The following DIP2B variants were observed in gnomAD, a reference collection of about 807,000 sequenced individuals.
DIP2B encodes the protein disco-interacting protein 2 homolog B.
DIP2B carries 76 observed loss-of-function variants against 198.0 expected under a neutral mutation model. The observed-to-expected ratio is 0.38, with a 90% CI of 0.32 to 0.46. DIP2B has a LOEUF of 0.46. Ranked by LOEUF, DIP2B falls within the 20% of genes least tolerant of loss-of-function variation. DIP2B has a pLI of 0.99. For synonymous variants in DIP2B, 701 were observed against 739.1 expected (o/e 0.95, Z 0.84); for missense variants, 1,559 against 1,978.4 (o/e 0.79, Z 4.02).
chr12:50,596,822 A>G (rs1407352258), intron 1 of DIP2B, among the ~76,000 whole-genome samples: 1 of 152,202 alleles, frequency 6.6e-6, no homozygotes, highest in Non-Finnish European at 1.5e-5. Flanking sequence ...TATTTAGATA[A>G]ATCTTATTTA....
intron 1 of DIP2B, among the ~76,000 whole-genome samples, chr12:50,573,967 T>C (rs1197306113): frequency 1.3e-5 from 2 of 152,242 alleles, no homozygotes; most frequent in Non-Finnish European, 2.9e-5. Context: ...TTTGATGATA[T>C]TAAGGGTTCT....
At position 50,517,209 on chromosome 12, in the gene DIP2B, G is replaced by A. The variant is rs937858575; in HGVS notation, c.100+11969G>A. On this transcript the variant is annotated intron_variant, in intron 1 of 37. Transcript: ENST00000301180. ...GCTGGGATTACAGGCGTGAGCCACC[G>A]CACCCGACCAAAAAATTTGTTTTAA... Among the ~76,000 whole-genome samples, 7 of 151,614 alleles carry A rather than the reference G, an allele frequency of 4.6e-5. No homozygotes were observed. The East Asian group carries it at 5.9e-4, about 13-fold the overall frequency.
At chr12:50,559,270 A>T (rs564425283) in intron 1 of DIP2B, among the ~76,000 whole-genome samples, 26 of 148,536 alleles carry the variant, frequency 1.8e-4, no homozygotes, top group African/African-American at 6.2e-4. Context: ...GTAATTTAGT[A>T]GTTAATCTTC....
chr12:50,646,776 C>G (rs1208104056), intron 3 of DIP2B, among the ~76,000 whole-genome samples: 1 of 152,004 alleles, frequency 6.6e-6, no homozygotes, highest in African/African-American at 2.4e-5. Context: ...TGATTTAATG[C>G]TGGGAGCTAA....
intron 1 of DIP2B, among the ~76,000 whole-genome samples, chr12:50,565,760 A>G (rs1320958877): frequency 3.3e-5 from 5 of 152,202 alleles, no homozygotes; most frequent in African/African-American, 4.8e-5. Context: ...TGTAGTCCCA[A>G]TTAAATTTCA....
intron 1 of DIP2B, among the ~76,000 whole-genome samples, chr12:50,620,744 T>C (rs940676439): frequency 6.6e-6 from 1 of 152,218 alleles, no homozygotes; most frequent in African/African-American, 2.4e-5. Flanking sequence ...TGGCAAAAAG[T>C]CTGTTCTGAG....
intron 25 of DIP2B, among the ~76,000 whole-genome samples, chr12:50,721,048 G>A (rs1167912509): frequency 2.0e-5 from 3 of 152,028 alleles, no homozygotes; most frequent in South Asian, 2.1e-4. Context: ...GGCTCAAGCA[G>A]TGCTCCCACC....
At chr12:50,564,398 AT>A (rs1426874568) in intron 1 of DIP2B, among the ~76,000 whole-genome samples, 2 of 152,138 alleles carry the variant, frequency 1.3e-5, no homozygotes, top group African/African-American at 4.8e-5. Flanking sequence ...GCTGTACTTA[AT>A]TTGATTAAGC....
chr12:50,611,669 C>G (rs1959033075), intron 1 of DIP2B, among the ~76,000 whole-genome samples: 1 of 152,010 alleles, frequency 6.6e-6, no homozygotes, highest in African/African-American at 2.4e-5. Context: ...TTTTACCTAC[C>G]CCCAGTACTA....
chr12:50,739,645 C>T, intron 36 of DIP2B, 59 bp downstream of exon 36: 2 of 1,587,512 alleles, frequency 1.3e-6, no homozygotes, highest in Non-Finnish European at 1.7e-6. Flanking sequence ...ACTAGCTGAC[C>T]TCCTTCAGCC....
chr12:50,554,588 T>G (rs886825216), intron 1 of DIP2B, among the ~76,000 whole-genome samples: 2 of 152,192 alleles, frequency 1.3e-5, no homozygotes, highest in African/African-American at 4.8e-5. Context: ...TTAGATGGAT[T>G]GGTCACTGGG....
At chr12:50,643,566 G>C (rs1381064216) in intron 3 of DIP2B, among the ~76,000 whole-genome samples, 1 of 152,044 alleles carries the variant, frequency 6.6e-6, no homozygotes, top group Non-Finnish European at 1.5e-5. Flanking sequence ...CCTATCAGGA[G>C]GGGAACATAA....
intron 13 of DIP2B, among the ~76,000 whole-genome samples, chr12:50,692,028 G>A (rs1939230950): frequency 6.6e-6 from 1 of 151,944 alleles, no homozygotes; most frequent in South Asian, 2.1e-4. Context: ...TCATGCCACT[G>A]CACTCTAGCC....
chr12:50,525,332 TG>T lies in DIP2B; in HGVS notation c.100+20095del, dbSNP rs1958153117. ...GAAAGCGGGCCACTGCACTCCAGCC[TG>T]GGCGACAGAGCGAGACTCCATCTCA... On this transcript the variant is annotated intron_variant, in intron 1 of 37. Coordinates refer to ENST00000301180, the MANE Select transcript of DIP2B (RefSeq NM_173602.3). Among the ~76,000 whole-genome samples the T allele has an allele frequency of 3.0e-5, 4 of 134,862 alleles. No homozygotes were observed. The South Asian group carries it at 7.1e-4, about 24-fold the overall frequency. 88.5% of individuals were successfully genotyped at this position (134,862 alleles called of 152,430 possible).
chr12:50,542,656 T>C (rs779824351), intron 1 of DIP2B, among the ~76,000 whole-genome samples: 1 of 152,182 alleles, frequency 6.6e-6, no homozygotes, highest in Non-Finnish European at 1.5e-5. Flanking sequence ...ACTTGTTAAA[T>C]CCTGTCTGGA....
intron 26 of DIP2B, among the ~76,000 whole-genome samples, chr12:50,721,727 G>C (rs924251565): frequency 2.6e-5 from 4 of 152,186 alleles, no homozygotes; most frequent in African/African-American, 9.7e-5. Flanking sequence ...TTGTTTCTAT[G>C]AATGTTCAGG....
chr12:50,699,139 T>C lies in DIP2B; in HGVS notation c.2262T>C (p.Val754=), dbSNP rs1693859463. 6.2e-7 allele frequency: 1 copy of C among 1,614,112 alleles called. No homozygotes were observed. The highest frequency in any genetic ancestry group is 1.1e-5 in the South Asian group (1 of 91,094). The change falls in exon 19 of 38, where the codon GTT becomes GTC. Residue 754 remains valine, a synonymous_variant. Transcript: ENST00000301180. ...CAGATGAAATTGGAGAAATCTGTGT[T>C]AGCTCCAGAACTGGAGGCATGATGT... ...CKTDEIGEIC[V]SSRTGGMMYF...
At chr12:50,519,936 T>C (rs1276063941) in intron 1 of DIP2B, among the ~76,000 whole-genome samples, 1 of 151,752 alleles carries the variant, frequency 6.6e-6, no homozygotes. Context: ...TTTAAGATCA[T>C]ATTGTTGTAA....
rs34202995 is a variant in DIP2B, at chr12:50,537,114, A to ATTTTTTT, written c.100+31895_100+31901dup. Among the ~76,000 whole-genome samples, 68 of 32,228 alleles carry ATTTTTTT rather than the reference A, an allele frequency of 2.1e-3. 19 individuals are homozygous for ATTTTTTT. The highest frequency in any genetic ancestry group is 0.013 in the East Asian group (6 of 468). 21.1% of individuals were successfully genotyped at this position (32,228 alleles called of 152,430 possible). On this transcript the variant is annotated intron_variant, in intron 1 of 37. Transcript: ENST00000301180. ...CAGATTGCTTGTTTATTATTCTCTAATTTTTTTTTTTTTTTTTTTTTTTTT... is the reference window on the plus strand; with the variant it reads ...CAGATTGCTTGTTTATTATTCTCTAATTTTTTTTTTTTTTTTTTTTTTTTTTTTTTTT...
Sources: allele counts gnomAD v4.1 joint callset (sites outside exome capture counted in the v4.1 genomes callset), GRCh38; gene constraint gnomAD v4.1.1; transcripts MANE v1.5; gene names NCBI Gene and HGNC (gene_info 2026-07-23, HGNC 2026-07-21).